Variants in KLHL29 observed in about 807,000 individuals in gnomAD.
The protein encoded by KLHL29 is kelch like family member 29.
Under a neutral mutation model 80.4 loss-of-function variants are expected in KLHL29, and 21 were observed. The observed-to-expected ratio is 0.26, with a 90% CI of 0.19 to 0.38. The LOEUF (loss-of-function observed/expected upper bound fraction) is 0.38. Among genes scored for constraint, KLHL29 ranks in the 10% least tolerant of loss-of-function variants. The pLI is 1.00. For synonymous variants in KLHL29, 511 were observed against 526.8 expected, an observed-to-expected ratio of 0.97 and a Z score of 0.41; for missense variants, 867 against 1,223.9, an observed-to-expected ratio of 0.71 and a Z score of 4.35.
intron 1 of KLHL29, among the ~76,000 whole-genome samples, chr2:23,454,852 A>T (rs1437652784): frequency 6.6e-6 from 1 of 151,580 alleles, no homozygotes; most frequent in Admixed American, 6.6e-5. Context: ...ACCAGACACT[A>T]TGCCAGGTGC....
At chr2:23,671,170 G>A (rs1403023498) in intron 5 of KLHL29, among the ~76,000 whole-genome samples, 1 of 151,628 alleles carries the variant, frequency 6.6e-6, no homozygotes, top group Non-Finnish European at 1.5e-5. Context: ...CCTGGCTCTG[G>A]TTCACTAATT....
intron 2 of KLHL29, among the ~76,000 whole-genome samples, chr2:23,512,998 G>A (rs1454710838): frequency 6.6e-6 from 1 of 152,380 alleles, no homozygotes. Context: ...TGGCTCAGGA[G>A]GCTTGGGGAG....
intron 3 of KLHL29, among the ~76,000 whole-genome samples, chr2:23,583,475 G>T (rs1476936305): frequency 6.6e-6 from 1 of 152,202 alleles, no homozygotes; most frequent in Non-Finnish European, 1.5e-5. Flanking sequence ...TCACCTGCCT[G>T]CTTCCTATAA....
rs1364084486 is a variant in KLHL29, at chr2:23,695,598, A to G, written c.1543-25A>G. 6.6e-7 allele frequency: 1 copy of G among 1,508,098 alleles called. No homozygotes were observed. Among genetic ancestry groups the G allele is most frequent in the Non-Finnish European group, 8.9e-7 (1 of 1,121,916 alleles). The allele number at this position is 1,508,098 out of a possible 1,614,324, so 93.4% of individuals were successfully genotyped here. A position where few individuals can be genotyped will look rare whatever the true frequency, so the allele number is the denominator to read the frequency against. ...GTGGCTCTCTCTTGCTAGTCTAAGAAGATTCTGTCTCCTGTACCCTGCAGT... is the reference window on the plus strand; with the variant it reads ...GTGGCTCTCTCTTGCTAGTCTAAGAGGATTCTGTCTCCTGTACCCTGCAGT... On this transcript the variant is annotated intron_variant, in intron 8 of 13. Coordinates refer to ENST00000486442, the MANE Select transcript of KLHL29 (RefSeq NM_052920.2). This position sits in a 1 kb window ranked among gnomAD's most constrained non-coding sequence, Gnocchi z 7.6.
chr2:23,695,941 G>A lies in KLHL29; in HGVS notation c.1742-10G>A, dbSNP rs1195341689. The A allele has an allele frequency of 6.4e-6, 10 of 1,550,558 alleles. No homozygotes were observed. Among genetic ancestry groups the A allele is most frequent in the Non-Finnish European group, 8.7e-6 (10 of 1,146,660 alleles). The stretch of plus-strand genomic sequence containing the variant: ...GTGTGTCCCAAGGGCGCCCATCCAT[G>A]TCCCTGCAGGTGTGGCTGAGGTCAT... On this transcript the variant is annotated splice_polypyrimidine_tract_variant and intron_variant, in intron 9 of 13. Transcript: ENST00000486442. The surrounding 1 kb of genome is among the most constrained non-coding windows in gnomAD (Gnocchi z 7.6).
intron 1 of KLHL29, among the ~76,000 whole-genome samples, chr2:23,420,929 G>GCCT (rs1048461747): frequency 6.6e-6 from 1 of 152,080 alleles, no homozygotes; most frequent in Non-Finnish European, 1.5e-5. Context: ...AGCCCTGGCT[G>GCCT]CCTCCTCCTC....
intron 3 of KLHL29, among the ~76,000 whole-genome samples, chr2:23,609,341 C>T (rs544632073): frequency 1.6e-3 from 250 of 152,098 alleles, no homozygotes; most frequent in African/African-American, 5.8e-3. Flanking sequence ...TCCCTGGAGA[C>T]GCCTGGTGAA....
At chr2:23,553,777 T>C (rs1360890509) in intron 2 of KLHL29, among the ~76,000 whole-genome samples, 1 of 152,166 alleles carries the variant, frequency 6.6e-6, no homozygotes, top group African/African-American at 2.4e-5. Context: ...CTGCCAAATG[T>C]TCCCTGAGCC....
chr2:23,398,446 T>C (rs2103386874), intron 1 of KLHL29, among the ~76,000 whole-genome samples: 1 of 152,352 alleles, frequency 6.6e-6, no homozygotes, highest in Non-Finnish European at 1.5e-5. Flanking sequence ...AGAATGGTAG[T>C]TGCCAGGGGA....
In KLHL29 at chr2:23,642,671, A is replaced by G. The variant is rs1669803729; in HGVS notation, c.761A>G (p.Asn254Ser). 4 of 1,547,868 alleles carry G rather than the reference A, an allele frequency of 2.6e-6. No homozygotes were observed. Among genetic ancestry groups the G allele is most frequent in the East Asian group, 2.4e-5 (1 of 40,822 alleles). Residue 254 changes from asparagine to serine, a missense_variant, in exon 5 of 14, where the codon AAC (asparagine) becomes AGC (serine). Asn to Ser is a conservative substitution (Grantham distance 46). Transcript: ENST00000486442. ...CGCCCAGGACCCACCGCTGTGGGCA[A>G]CGGCCACATGGCAGGGCCCCTGCTG... ...VARPGPTAVG[N>S]GHMAGPLLPP...
intron 1 of KLHL29, among the ~76,000 whole-genome samples, chr2:23,408,011 G>A (rs553398721): frequency 7.0e-4 from 107 of 151,930 alleles, no homozygotes; most frequent in Non-Finnish European, 9.9e-4. Flanking sequence ...CCCGGTTCAA[G>A]TGATTCTCCT....
In KLHL29 at chr2:23,680,266, T is replaced by G. The variant is rs1671037731; in HGVS notation, c.941-4133T>G. Among the ~76,000 whole-genome samples, 2 of 149,150 alleles carry G rather than the reference T, an allele frequency of 1.3e-5. No individual in the cohort carries two copies. The highest frequency in any genetic ancestry group is 2.5e-5 in the African/African-American group (1 of 40,338). Reference sequence around the variant, plus strand: ...TTGGTGTGATGAGGGAGGGGAGGAGTCTGGGGAAGGCCTGCGGATTGCGGG... The same window carrying G: ...TTGGTGTGATGAGGGAGGGGAGGAGGCTGGGGAAGGCCTGCGGATTGCGGG... On this transcript the variant is annotated intron_variant, in intron 5 of 13. Transcript: ENST00000486442. This position sits in a 1 kb window ranked among gnomAD's most constrained non-coding sequence, Gnocchi z 4.1.
chr2:23,581,949 A>G (rs909804603), intron 3 of KLHL29, among the ~76,000 whole-genome samples: 2 of 152,010 alleles, frequency 1.3e-5, no homozygotes, highest in Non-Finnish European at 2.9e-5. Context: ...ACCACTCATC[A>G]AGTGGGTTGC....
At chr2:23,553,242 A>G (rs1379381280) in intron 2 of KLHL29, among the ~76,000 whole-genome samples, 1 of 152,196 alleles carries the variant, frequency 6.6e-6, no homozygotes, top group Non-Finnish European at 1.5e-5. Flanking sequence ...GCCCTGGCTG[A>G]GTGGGGCCTG....
At chr2:23,651,480 A>C (rs1005169104) in intron 5 of KLHL29, among the ~76,000 whole-genome samples, 3 of 152,176 alleles carry the variant, frequency 2.0e-5, no homozygotes, top group Non-Finnish European at 4.4e-5. Flanking sequence ...TTTCACCAAC[A>C]TCAGCAAAGT....
intron 5 of KLHL29, among the ~76,000 whole-genome samples, chr2:23,658,081 C>A (rs993378373): frequency 5.3e-5 from 8 of 151,996 alleles, no homozygotes; most frequent in African/African-American, 1.7e-4. Flanking sequence ...GCTTGGCCCT[C>A]CTCCCTCCTC....
At chr2:23,679,946 G>GA (rs1671029204) in intron 5 of KLHL29, among the ~76,000 whole-genome samples, 1 of 152,208 alleles carries the variant, frequency 6.6e-6, no homozygotes, top group Admixed American at 6.5e-5. Context: ...GGGGTGCAAG[G>GA]AGGCTTCGCT....
At chr2:23,655,551 A>G (rs986931320) in intron 5 of KLHL29, among the ~76,000 whole-genome samples, 1 of 152,162 alleles carries the variant, frequency 6.6e-6, no homozygotes, top group Non-Finnish European at 1.5e-5. Context: ...CTGGCCAGCC[A>G]TTCTTGTTCT....
At chr2:23,637,293 A>G (rs1366972410) in intron 3 of KLHL29, among the ~76,000 whole-genome samples, 1 of 152,192 alleles carries the variant, frequency 6.6e-6, no homozygotes, top group African/African-American at 2.4e-5. Flanking sequence ...TAGATCCTTC[A>G]GACAGGGCAC....
Sources: allele counts gnomAD v4.1 joint callset (sites outside exome capture counted in the v4.1 genomes callset), GRCh38; gene constraint gnomAD v4.1.1; non-coding constraint Gnocchi (gnomAD v3.1); transcripts MANE v1.5; gene names NCBI Gene and HGNC (gene_info 2026-07-23, HGNC 2026-07-21).